PRELID2: variants seen among roughly 807,000 people sequenced by gnomAD.
The protein encoded by PRELID2 is PRELI domain containing 2.
A neutral mutation model predicts 28.4 loss-of-function variants in PRELID2; 25 were observed. The observed-to-expected ratio is 0.88, with a 90% confidence interval of 0.64 to 1.23. PRELID2 has a LOEUF of 1.23. PRELID2 is among the 50% of genes most tolerant of loss of function. PRELID2 has a pLI of 0.00. For synonymous variants in PRELID2, 76 were observed against 71.6 expected (o/e 1.06, Z -0.31); for missense variants, 201 against 214.4 (o/e 0.94, Z 0.39).
At chr5:145,361,304 C>G in the PRELID2 span, among the ~76,000 whole-genome samples, 1 of 152,136 alleles carries the variant, frequency 6.6e-6, no homozygotes, top group Non-Finnish European at 1.5e-5. Context: ...TTTAACCTTG[C>G]TAAGTGCTTT....
chr5:145,789,812 C>T (rs1752245523), intron 5 of PRELID2, among the ~76,000 whole-genome samples: 1 of 151,866 alleles, frequency 6.6e-6, no homozygotes, highest in Non-Finnish European at 1.5e-5. Context: ...ACAAATAACC[C>T]AATTAAGAAA....
chr5:145,271,546 A>C, the PRELID2 span, among the ~76,000 whole-genome samples: 8 of 152,162 alleles, frequency 5.3e-5, no homozygotes, highest in African/African-American at 1.9e-4. Flanking sequence ...TTGGTAATCA[A>C]ATCTAACACA....
chr5:145,335,106 C>G, the PRELID2 span, among the ~76,000 whole-genome samples: 1 of 151,954 alleles, frequency 6.6e-6, no homozygotes, highest in African/African-American at 2.4e-5. Flanking sequence ...ATTTGTGTAT[C>G]AGTCCACTTG....
the PRELID2 span, among the ~76,000 whole-genome samples, chr5:145,241,489 C>T: frequency 6.6e-6 from 1 of 152,014 alleles, no homozygotes; most frequent in African/African-American, 2.4e-5. Flanking sequence ...CTTGTCATAG[C>T]ACTCAGCCTT....
At chr5:145,631,889 G>A (rs1368984599) in intron 1 of PRELID2, among the ~76,000 whole-genome samples, 1 of 152,052 alleles carries the variant, frequency 6.6e-6, no homozygotes, top group African/African-American at 2.4e-5. Context: ...AAGAGAAACA[G>A]AACATAAAAA....
intron 1 of PRELID2, among the ~76,000 whole-genome samples, chr5:145,636,332 A>G (rs1754001830): frequency 6.6e-6 from 1 of 152,172 alleles, no homozygotes; most frequent in African/African-American, 2.4e-5. Flanking sequence ...TCTGACATCT[A>G]TCCATCTCGG....
intron 1 of PRELID2, among the ~76,000 whole-genome samples, chr5:145,541,894 A>C (rs1436603069): frequency 6.6e-6 from 1 of 152,086 alleles, no homozygotes. Flanking sequence ...TAAGTAAACA[A>C]AAATTTTAAA....
At chr5:145,501,473 G>A (rs373735670) in intron 1 of PRELID2, among the ~76,000 whole-genome samples, 30 of 152,254 alleles carry the variant, frequency 2.0e-4, no homozygotes, top group African/African-American at 2.6e-4. Context: ...GGAGAGACCC[G>A]GTGGGAGGTA....
intron 2 of PRELID2, 110 bp from the exon 3 acceptor site, chr5:145,820,128 T>C (rs144763639): frequency 8.8e-6 from 4 of 455,290 alleles, no homozygotes; most frequent in Non-Finnish European, 1.4e-5. Flanking sequence ...TTTTTGTTTT[T>C]TTTTTTTGAG....
chr5:145,278,830 A>T, the PRELID2 span, among the ~76,000 whole-genome samples: 9 of 152,278 alleles, frequency 5.9e-5, no homozygotes, highest in African/African-American at 2.2e-4. Flanking sequence ...TACTCTTATC[A>T]ATAGCAAAAG....
rs138611329 is a variant in PRELID2 at position 145,785,382 on chromosome 5, A to G, written c.474+11060T>C. ...AATCTTTCTAAAGGCACAGCATACT[A>G]TGCTTTTAGTTCAGAAGTTGATATT... On this transcript the variant is annotated intron_variant, in intron 5 of 6. Coordinates refer to ENST00000683046, the MANE Select transcript of PRELID2 (RefSeq NM_205846.3). Among the ~76,000 whole-genome samples, 728 of 152,340 alleles carry G rather than the reference A, an allele frequency of 4.8e-3. 7 individuals are homozygous for G. The highest frequency in any genetic ancestry group is 0.017 in the African/African-American group (709 of 41,574).
At chr5:145,710,369 C>T (rs1755660537) in intron 1 of PRELID2, among the ~76,000 whole-genome samples, 2 of 152,244 alleles carry the variant, frequency 1.3e-5, no homozygotes, top group South Asian at 4.2e-4. Context: ...AGCAAACTGC[C>T]ATTAACCTTG....
At position 145,641,700 on chromosome 5, in the gene PRELID2, G is replaced by C. The variant is rs566237227; in HGVS notation, n.70+123231C>G. Among the ~76,000 whole-genome samples the C allele has an allele frequency of 2.6e-5, 4 of 152,334 alleles. No homozygotes were observed. The East Asian group carries it at 7.7e-4, about 29-fold the overall frequency. On this transcript the variant is annotated intron_variant and non_coding_transcript_variant, in intron 1 of 2. Transcript: ENST00000510259. ...GCCCTGACAGGCCCTGGTGTGTGAT[G>C]TTCCCCTCCCTGTGTTCCTGTGTTC...
At chr5:145,264,115 T>C in the PRELID2 span, among the ~76,000 whole-genome samples, 1 of 152,236 alleles carries the variant, frequency 6.6e-6, no homozygotes, top group South Asian at 2.1e-4. Flanking sequence ...TTCTAAAAGA[T>C]AGGGAAAGAG....
At chr5:145,451,849 T>A in the PRELID2 span, among the ~76,000 whole-genome samples, 1 of 152,132 alleles carries the variant, frequency 6.6e-6, no homozygotes, top group Non-Finnish European at 1.5e-5. Context: ...AACTCCTCAC[T>A]TTAAGACTAA....
At chr5:145,399,992 G>A in the PRELID2 span, among the ~76,000 whole-genome samples, 1 of 151,594 alleles carries the variant, frequency 6.6e-6, no homozygotes, top group Non-Finnish European at 1.5e-5. Context: ...TTCAAAATGA[G>A]ATTTGGATGG....
the PRELID2 span, among the ~76,000 whole-genome samples, chr5:145,289,390 T>C: frequency 3.9e-5 from 6 of 152,174 alleles, no homozygotes; most frequent in African/African-American, 1.4e-4. Context: ...AACCTAGCAA[T>C]ATGGACTTAA....
At chr5:145,229,134 C>T in the PRELID2 span, 59 of 1,214,216 alleles carry the variant, frequency 4.9e-5, no homozygotes, top group Admixed American at 7.0e-5. Context: ...AACCGTCCAG[C>T]GGGTGGGGGC....
the PRELID2 span, among the ~76,000 whole-genome samples, chr5:145,299,811 T>A: frequency 6.6e-6 from 1 of 152,204 alleles, no homozygotes; most frequent in Middle Eastern, 3.4e-3. Context: ...TGCCATTTCT[T>A]CCTCATTAAC....
Sources: gnomAD v4.1 joint callset for allele counts (sites outside exome capture counted in the v4.1 genomes callset) on GRCh38, gnomAD v4.1.1 for gene constraint, MANE v1.5 for transcripts, NCBI Gene and HGNC (gene_info 2026-07-23, HGNC 2026-07-21) for gene names.